Variants in C8orf34 observed in about 807,000 individuals in gnomAD.
C8orf34 encodes uncharacterized protein C8orf34.
C8orf34 carries 65 observed loss-of-function variants against 68.3 expected under a neutral mutation model. That is an observed-to-expected ratio of 0.95 (90% CI 0.78 to 1.17). The LOEUF (loss-of-function observed/expected upper bound fraction) is 1.17. Among genes scored for constraint, C8orf34 ranks in the 50% most tolerant of loss-of-function variants. The pLI is 0.00. For missense variants in C8orf34, 664 were observed against 655.4 expected, an observed-to-expected ratio of 1.01 and a Z score of -0.14; for synonymous variants, 244 against 241.2, an observed-to-expected ratio of 1.01 and a Z score of -0.11.
At chr8:68,429,835 C>A (rs1156474587) in intron 1 of C8orf34, among the ~76,000 whole-genome samples, 4 of 152,114 alleles carry the variant, frequency 2.6e-5, no homozygotes, top group African/African-American at 9.7e-5. Flanking sequence ...TTAACATTGA[C>A]AACAGGCAAA....
chr8:68,619,913 T>A (rs78036829), intron 7 of C8orf34, among the ~76,000 whole-genome samples: 10,826 of 152,260 alleles, frequency 0.071, 546 homozygotes, highest in African/African-American at 0.14. Flanking sequence ...AGGTCACAGA[T>A]AAATGTTCTC....
intron 8 of C8orf34, among the ~76,000 whole-genome samples, chr8:68,643,272 A>T (rs114430296): frequency 0.012 from 1,818 of 152,178 alleles, 32 homozygotes; most frequent in African/African-American, 0.04. Context: ...TCATTGTCTC[A>T]CCTCTCTTTT....
intron 12 of C8orf34, among the ~76,000 whole-genome samples, chr8:68,812,927 ACATAT>A (rs752603834): frequency 4.6e-5 from 7 of 152,186 alleles, no homozygotes; most frequent in African/African-American, 1.2e-4. Flanking sequence ...GTGTTTAATG[ACATAT>A]CATATGTTCA....
intron 7 of C8orf34, among the ~76,000 whole-genome samples, chr8:68,552,250 G>A (rs777494981): frequency 3.9e-5 from 6 of 152,124 alleles, no homozygotes; most frequent in East Asian, 3.9e-4. Flanking sequence ...ACATCACCTC[G>A]AATTTTAATA....
chr8:68,764,002 C>T (rs1197188610), intron 10 of C8orf34, among the ~76,000 whole-genome samples: 1 of 152,212 alleles, frequency 6.6e-6, no homozygotes, highest in East Asian at 1.9e-4. Context: ...CAAGCCTGCT[C>T]TCTGGACCTG....
chr8:68,534,526 A>T (rs1815380945), intron 7 of C8orf34: 1 of 712,094 alleles, frequency 1.4e-6, no homozygotes, highest in African/African-American at 1.9e-5. Context: ...ACAGTTGTGT[A>T]TAGGGGTAAC....
At chr8:68,684,285 A>T (rs1238871145) in intron 8 of C8orf34, among the ~76,000 whole-genome samples, 2 of 152,146 alleles carry the variant, frequency 1.3e-5, no homozygotes, top group African/African-American at 4.8e-5. Flanking sequence ...CAGGATCCCC[A>T]GTTCAGAAAA....
intron 1 of C8orf34, among the ~76,000 whole-genome samples, chr8:68,397,576 C>T (rs1483712014): frequency 6.6e-6 from 1 of 151,600 alleles, no homozygotes; most frequent in East Asian, 1.9e-4. Flanking sequence ...TTTATTCAGC[C>T]AAAATATTAT....
At chr8:68,494,637 T>C (rs1000671274) in intron 5 of C8orf34, among the ~76,000 whole-genome samples, 1 of 152,010 alleles carries the variant, frequency 6.6e-6, no homozygotes, top group Non-Finnish European at 1.5e-5. Flanking sequence ...GGTGGATCAC[T>C]TGAGGTCAGG....
intron 3 of C8orf34, among the ~76,000 whole-genome samples, chr8:68,465,664 AATTGGAAATCATC>A (rs1309357829): frequency 2.6e-5 from 4 of 152,086 alleles, no homozygotes; most frequent in Non-Finnish European, 5.9e-5. Flanking sequence ...ACACGGATGA[AATTGGAAATCATC>A]ATTCTCAGTA....
At chr8:68,689,785 T>C (rs930873643) in intron 8 of C8orf34, among the ~76,000 whole-genome samples, 2 of 152,020 alleles carry the variant, frequency 1.3e-5, no homozygotes, top group Non-Finnish European at 2.9e-5. Context: ...GTTTCAGTTA[T>C]CTCTAATCCT....
chr8:68,345,727 A>G lies in C8orf34; in HGVS notation c.327+14388A>G, dbSNP rs187781687. Among the ~76,000 whole-genome samples, 451 of 152,114 alleles carry G rather than the reference A, an allele frequency of 3.0e-3. 5 individuals carry two copies. The highest frequency in any genetic ancestry group is 0.01 in the African/African-American group (431 of 41,528). On this transcript the variant is annotated intron_variant, in intron 1 of 13. Coordinates refer to ENST00000518698, the MANE Select transcript of C8orf34 (RefSeq NM_052958.4). ...TATATACATACATGTGTGTATTTAT[A>G]CATATATACATATAAGTGGGTATAT...
At chr8:68,676,197 G>A (rs1393310394) in intron 8 of C8orf34, among the ~76,000 whole-genome samples, 1 of 152,070 alleles carries the variant, frequency 6.6e-6, no homozygotes, top group Non-Finnish European at 1.5e-5. Flanking sequence ...ATCCAGGTGT[G>A]GAGGCATACA....
At position 68,808,221 on chromosome 8, in the gene C8orf34, C is replaced by T. The variant is rs947520594; in HGVS notation, c.1550-7665C>T. On this transcript the variant is annotated intron_variant, in intron 12 of 13. Coordinates refer to ENST00000518698, the MANE Select transcript of C8orf34 (RefSeq NM_052958.4). ...ATATTTTATCCAGCTATTCTATGCA[C>T]TTTCAGTGAAATGCTTTATCCAAAT... Among the ~76,000 whole-genome samples, 5 of 152,192 alleles carry T rather than the reference C, an allele frequency of 3.3e-5. No homozygotes were observed. In the South Asian group the frequency reaches 8.3e-4, roughly 25 times the overall value.
intron 8 of C8orf34, among the ~76,000 whole-genome samples, chr8:68,660,776 G>A (rs1272133212): frequency 6.6e-6 from 1 of 152,104 alleles, no homozygotes; most frequent in Non-Finnish European, 1.5e-5. Flanking sequence ...AGAGAAAAGG[G>A]AGTCCTATGA....
intron 6 of C8orf34, among the ~76,000 whole-genome samples, chr8:68,527,463 T>G (rs1815055266): frequency 6.6e-6 from 1 of 152,032 alleles, no homozygotes; most frequent in Non-Finnish European, 1.5e-5. Flanking sequence ...TCCCAGCTAC[T>G]CGGGAGGCTG....
chr8:68,637,081 A>G (rs1008405313), intron 7 of C8orf34, among the ~76,000 whole-genome samples: 4 of 152,252 alleles, frequency 2.6e-5, no homozygotes, highest in African/African-American at 9.6e-5. Context: ...TGATCCAAGT[A>G]TAGCAAGAAG....
At chr8:68,746,195 A>C (rs572140890) in intron 10 of C8orf34, among the ~76,000 whole-genome samples, 2 of 152,248 alleles carry the variant, frequency 1.3e-5, no homozygotes, top group East Asian at 3.9e-4. Flanking sequence ...AATGAGAACA[A>C]ACACACAACA....
At chr8:68,430,188 A>C (rs188528933) in intron 1 of C8orf34, among the ~76,000 whole-genome samples, 1 of 151,984 alleles carries the variant, frequency 6.6e-6, no homozygotes, top group Non-Finnish European at 1.5e-5. Flanking sequence ...TAAAAAAATT[A>C]AAAAAAACCT....
Sources: gnomAD v4.1 joint callset for allele counts (sites outside exome capture counted in the v4.1 genomes callset) on GRCh38, gnomAD v4.1.1 for gene constraint, MANE v1.5 for transcripts, NCBI Gene and HGNC (gene_info 2026-07-23, HGNC 2026-07-21) for gene names.